Variants in APCS observed in about 807,000 individuals in gnomAD.
APCS encodes amyloid P component, serum.
In APCS, 2 loss-of-function variants were observed where a neutral mutation model predicts 2.5. That is an observed-to-expected ratio of 0.80 (90% CI 0.33 to 2.53). The LOEUF is 2.53. Among genes scored for constraint, APCS ranks in the 30% most tolerant of loss-of-function variants. The probability of loss-of-function intolerance (pLI) is 0.11; values close to 1 mark genes in which losing one functional copy is unlikely to be tolerated. For synonymous variants in APCS, 109 were observed against 102.5 expected, an observed-to-expected ratio of 1.06 and a Z score of -0.39; for missense variants, 302 against 258.9, an observed-to-expected ratio of 1.17 and a Z score of -1.14.
rs1483202613 is a variant in APCS, at chr1:159,588,327, CAA to C, written c.293_294del (p.Lys98SerfsTer27). On this transcript the variant is annotated frameshift_variant, in exon 2 of 2. Transcript: ENST00000255040. LOFTEE classifies it low-confidence loss of function (END_TRUNC). ...AGTATAGTCTATACATTGGAAGACA[CAA>C]AGTTACATCCAAAGTTATCGAAAAG... Reference protein sequence around the residue: ...GEYSLYIGRHKVTSKVIEKFP... With the variant: ...GEYSLYIGRHXVTSKVIEKFP... 1 of 1,613,986 alleles carries C rather than the reference CAA, an allele frequency of 6.2e-7. No individual in the cohort carries two copies. The highest frequency in any genetic ancestry group is 8.5e-7 in the Non-Finnish European group (1 of 1,180,032).
chr1:159,588,103 C>T lies in APCS; in HGVS notation c.67C>T (p.Leu23Phe), dbSNP rs1344884214. Residue 23 changes from leucine to phenylalanine, a missense_variant and splice_region_variant, in exon 2 of 2, where the codon CTC (leucine) becomes TTC (phenylalanine). Transcript: ENST00000255040. ...SLLEAFAHTD[L>F]SGKVFVFPRE... is the part of the protein sequence containing the mutation. ...ATCTTTCTTTCTTTATCCCGCAGAC[C>T]TCAGTGGGAAGGTGTTTGTATTTCC... The T allele has an allele frequency of 6.2e-7, 1 of 1,613,340 alleles. No homozygotes were observed. The highest frequency in any genetic ancestry group is 1.7e-5 in the Admixed American group (1 of 59,954).
chr1:159,588,831 T>A lies in APCS; in HGVS notation c.*123T>A. On this transcript the variant is annotated 3_prime_UTR_variant, in exon 2 of 2. Transcript: ENST00000255040. ...TCTTTGAATTTCCTATCTGTATGTC[T>A]GCCTAATTAAAAAAATATATATTGT... The A allele has an allele frequency of 8.8e-7, 1 of 1,136,996 alleles. No homozygotes were observed. The highest frequency in any genetic ancestry group is 2.4e-5 in the East Asian group (1 of 42,030). 70.4% of individuals were successfully genotyped at this position (1,136,996 alleles called of 1,614,324 possible). A position where few individuals can be genotyped will look rare whatever the true frequency, so the allele number is the denominator to read the frequency against.
Position 159,588,410 on chromosome 1 carries a change from A to C in APCS, c.374A>C (p.Glu125Ala). The C allele has an allele frequency of 6.2e-7, 1 of 1,614,078 alleles. No homozygotes were observed. Among genetic ancestry groups the C allele is most frequent in the South Asian group, 1.1e-5 (1 of 91,074 alleles). ...VSWESSSGIA[E>A]FWINGTPLVK... ...TGGGAGTCCTCATCAGGTATTGCTGAATTTTGGATCAATGGGACACCTTTG... is the reference window on the plus strand; with the variant it reads ...TGGGAGTCCTCATCAGGTATTGCTGCATTTTGGATCAATGGGACACCTTTG... Residue 125 changes from glutamate to alanine, a missense_variant, in exon 2 of 2, where the codon GAA (glutamate) becomes GCA (alanine). Coordinates refer to ENST00000255040, the MANE Select transcript of APCS (RefSeq NM_001639.4).
In APCS at chr1:159,587,942, G is replaced by A; in HGVS notation, c.21G>A (p.Trp7Ter). The A allele has an allele frequency of 1.2e-6, 2 of 1,614,100 alleles. No individual in the cohort carries two copies. Among genetic ancestry groups the A allele is most frequent in the Non-Finnish European group, 1.7e-6 (2 of 1,180,032 alleles). The change falls in exon 1 of 2, where the codon TGG becomes TGA. Residue 7 changes from tryptophan (W) to a stop codon, truncating the protein, a stop_gained. Transcript: ENST00000255040. LOFTEE classifies it low-confidence loss of function (END_TRUNC). ...GGAATATGAACAAGCCGCTGCTTTGGATCTCTGTCCTCACCAGCCTCCTGG... is the reference window on the plus strand; with the variant it reads ...GGAATATGAACAAGCCGCTGCTTTGAATCTCTGTCCTCACCAGCCTCCTGG... Reference protein sequence around the residue: MNKPLLWISVLTSLLEA... With the variant: MNKPLL
Position 159,588,404 on chromosome 1 carries a change from T to C in APCS, c.368T>C (p.Ile123Thr), listed in dbSNP as rs144056771. The C allele has an allele frequency of 6.2e-7, 1 of 1,614,078 alleles. No individual in the cohort carries two copies. The highest frequency in any genetic ancestry group is 8.5e-7 in the Non-Finnish European group (1 of 1,180,004). ...ICVSWESSSG[I>T]AEFWINGTPL... The stretch of plus-strand genomic sequence containing the variant: ...GTGAGCTGGGAGTCCTCATCAGGTA[T>C]TGCTGAATTTTGGATCAATGGGACA... Residue 123 changes from isoleucine (I) to threonine (T), a missense_variant, in exon 2 of 2, where the codon ATT becomes ACT. By Grantham distance (89) the Ile-to-Thr change is moderately conservative. Transcript: ENST00000255040.
chr1:159,588,055 C>T (rs202054475), intron 1 of APCS, 46 bp from the exon 2 acceptor site: 31 of 1,613,272 alleles, frequency 1.9e-5, no homozygotes, highest in Non-Finnish European at 2.5e-5. Context: ...TATCTTTTCC[C>T]TGCATTTATA....
rs763843176 is a variant in APCS, at chr1:159,588,702, G to C, written c.666G>C (p.Trp222Cys). 6.2e-7 allele frequency: 1 copy of C among 1,608,024 alleles called. No homozygotes were observed. The stretch of plus-strand genomic sequence containing the variant: ...ATGTCATCATCAAACCCTTGGTGTG[G>C]GTCTGAGGTCTTGACTCAACGAGAG... ...RGYVIIKPLV[W>C]V The change falls in exon 2 of 2, where the codon TGG (tryptophan) becomes TGC (cysteine). Residue 222 changes from tryptophan (W) to cysteine (C), a missense_variant. Coordinates refer to ENST00000255040, the MANE Select transcript of APCS (RefSeq NM_001639.4).
rs756046861 is a variant in APCS at position 159,588,161 on chromosome 1, T to A, written c.125T>A (p.Ile42Asn). 4 of 1,613,994 alleles carry A rather than the reference T, an allele frequency of 2.5e-6. No individual in the cohort carries two copies. The highest frequency in any genetic ancestry group is 3.4e-6 in the Non-Finnish European group (4 of 1,179,846). The change falls in exon 2 of 2, where the codon ATC (isoleucine) becomes AAC (asparagine). Residue 42 changes from isoleucine (I) to asparagine (N), a missense_variant. Physicochemically the swap from Ile to Asn is moderately radical, Grantham distance 149 (BLOSUM62 -3). Coordinates refer to ENST00000255040, the MANE Select transcript of APCS (RefSeq NM_001639.4). ...TCTGTTACTGATCATGTAAACTTGA[T>A]CACACCGCTGGAGAAGCCTCTACAG... Reference protein sequence around the residue: ...RESVTDHVNLITPLEKPLQNF... With the variant: ...RESVTDHVNLNTPLEKPLQNF...
chr1:159,588,609 C>T lies in APCS; in HGVS notation c.573C>T (p.Ala191=), dbSNP rs200258131. The T allele has an allele frequency of 9.9e-6, 16 of 1,613,774 alleles. No homozygotes were observed. Among genetic ancestry groups the T allele is most frequent in the Non-Finnish European group, 1.2e-5 (14 of 1,179,954 alleles). ...TGCCCCCAGAAAATATCCTGTCTGC[C>T]TATCAGGGTACCCCTCTCCCTGCCA... The part of the protein sequence containing the change: ...SVLPPENILS[A]YQGTPLPANI... The change falls in exon 2 of 2, where the codon GCC becomes GCT. Residue 191 remains alanine (A), a synonymous_variant. Coordinates refer to ENST00000255040, the MANE Select transcript of APCS (RefSeq NM_001639.4).
Position 159,587,840 on chromosome 1 carries a change from G to A in APCS, c.-82G>A. On this transcript the variant is annotated 5_prime_UTR_variant, in exon 1 of 2. Coordinates refer to ENST00000255040, the MANE Select transcript of APCS (RefSeq NM_001639.4). ...CTGAAGTCTAAGGGCATGAATATCA[G>A]ACGCTAGGGGGACAGCCACTGTGTT... 4 of 1,436,450 alleles carry A rather than the reference G, an allele frequency of 2.8e-6. No individual in the cohort carries two copies. The highest frequency in any genetic ancestry group is 3.9e-6 in the Non-Finnish European group (4 of 1,021,260). 89.0% of individuals were successfully genotyped at this position (1,436,450 alleles called of 1,614,324 possible).
chr1:159,588,644 A>T lies in APCS; in HGVS notation c.608A>T (p.Asp203Val). The change falls in exon 2 of 2, where the codon GAC (aspartate) becomes GTC (valine). Residue 203 changes from aspartate (D) to valine (V), a missense_variant. Asp to Val is a radical substitution (Grantham distance 152). Coordinates refer to ENST00000255040, the MANE Select transcript of APCS (RefSeq NM_001639.4). The part of the protein sequence containing the change: ...QGTPLPANIL[D>V]WQALNYEIRG... ...ACCCCTCTCCCTGCCAATATCCTGGACTGGCAGGCTCTGAACTATGAAATC... is the reference window on the plus strand; with the variant it reads ...ACCCCTCTCCCTGCCAATATCCTGGTCTGGCAGGCTCTGAACTATGAAATC... 1.9e-6 allele frequency: 3 copies of T among 1,613,746 alleles called. No individual in the cohort carries two copies. Among genetic ancestry groups the T allele is most frequent in the South Asian group, 1.1e-5 (1 of 91,054 alleles).
chr1:159,588,632 C>A lies in APCS; in HGVS notation c.596C>A (p.Ala199Asp), dbSNP rs1212133313. The A allele has an allele frequency of 6.2e-7, 1 of 1,613,762 alleles. No individual in the cohort carries two copies. The highest frequency in any genetic ancestry group is 1.7e-5 in the Admixed American group (1 of 59,924). ...LSAYQGTPLP[A>D]NILDWQALNY... ...GCCTATCAGGGTACCCCTCTCCCTG[C>A]CAATATCCTGGACTGGCAGGCTCTG... The change falls in exon 2 of 2, where the codon GCC (alanine) becomes GAC (aspartate). Residue 199 changes from alanine to aspartate, a missense_variant. By Grantham distance (126) the Ala-to-Asp change is moderately radical. Transcript: ENST00000255040.
In APCS at chr1:159,588,254, C is replaced by A; in HGVS notation, c.218C>A (p.Thr73Asn). ...GCCTACAGCCTCTTCTCCTACAATA[C>A]CCAAGGCAGGGATAATGAGCTACTA... ...SRAYSLFSYN[T>N]QGRDNELLVY... The change falls in exon 2 of 2, where the codon ACC (threonine) becomes AAC (asparagine). Residue 73 changes from threonine to asparagine, a missense_variant. Coordinates refer to ENST00000255040, the MANE Select transcript of APCS (RefSeq NM_001639.4). The A allele has an allele frequency of 1.2e-6, 2 of 1,613,884 alleles. No homozygotes were observed. Among genetic ancestry groups the A allele is most frequent in the Non-Finnish European group, 1.7e-6 (2 of 1,179,874 alleles).
chr1:159,588,663 T>C lies in APCS; in HGVS notation c.627T>C (p.Tyr209=), dbSNP rs1658818890. 3 of 1,613,800 alleles carry C rather than the reference T, an allele frequency of 1.9e-6. No homozygotes were observed. Among genetic ancestry groups the C allele is most frequent in the African/African-American group, 1.3e-5 (1 of 74,924 alleles). ...ANILDWQALN[Y]EIRGYVIIKP... ...TCCTGGACTGGCAGGCTCTGAACTATGAAATCAGAGGATATGTCATCATCA... is the reference window on the plus strand; with the variant it reads ...TCCTGGACTGGCAGGCTCTGAACTACGAAATCAGAGGATATGTCATCATCA... The change falls in exon 2 of 2, where the codon TAT becomes TAC. Residue 209 remains tyrosine (Y), a synonymous_variant. Coordinates refer to ENST00000255040, the MANE Select transcript of APCS (RefSeq NM_001639.4).
rs11545897 is a variant in APCS, at chr1:159,587,931, C to T, written c.10C>T (p.Pro4Ser). The T allele has an allele frequency of 4.7e-3, 7,631 of 1,613,962 alleles. 30 individuals are homozygous for T. Among genetic ancestry groups the T allele is most frequent in the Non-Finnish European group, 5.1e-3 (6,016 of 1,180,006 alleles). The change falls in exon 1 of 2, where the codon CCG becomes TCG. Residue 4 changes from proline to serine, a missense_variant. Pro to Ser is a moderately conservative substitution (Grantham distance 74). Transcript: ENST00000255040. Reference protein sequence around the residue: MNKPLLWISVLTSL... With the variant: MNKSLLWISVLTSL... ...GCCCTAGGCCAGGAATATGAACAAG[C>T]CGCTGCTTTGGATCTCTGTCCTCAC...
In APCS at chr1:159,588,534, C is replaced by A; in HGVS notation, c.498C>A (p.Ser166Arg). 1 of 1,613,950 alleles carries A rather than the reference C, an allele frequency of 6.2e-7. No homozygotes were observed. The highest frequency in any genetic ancestry group is 8.5e-7 in the Non-Finnish European group (1 of 1,179,998). The change falls in exon 2 of 2, where the codon AGC becomes AGA. Residue 166 changes from serine (S) to arginine (R), a missense_variant. Physicochemically the swap from Ser to Arg is moderately radical, Grantham distance 110. Coordinates refer to ENST00000255040, the MANE Select transcript of APCS (RefSeq NM_001639.4). Reference sequence around the variant, plus strand: ...CCTATGGGGGCAAGTTTGATAGGAGCCAGTCCTTTGTGGGAGAGATTGGGG... The same window carrying A: ...CCTATGGGGGCAAGTTTGATAGGAGACAGTCCTTTGTGGGAGAGATTGGGG... ...QDSYGGKFDR[S>R]QSFVGEIGDL...
chr1:159,588,756 G>C lies in APCS; in HGVS notation c.*48G>C, dbSNP rs1411145317. On this transcript the variant is annotated 3_prime_UTR_variant, in exon 2 of 2. Coordinates refer to ENST00000255040, the MANE Select transcript of APCS (RefSeq NM_001639.4). The stretch of plus-strand genomic sequence containing the variant: ...TTGAAAATGAAATGACTGTCTAAGA[G>C]ATCTGGTCAAAGCAACTGGATACTA... 6.4e-7 allele frequency: 1 copy of C among 1,550,928 alleles called. No individual in the cohort carries two copies. The highest frequency in any genetic ancestry group is 1.8e-5 in the Admixed American group (1 of 54,058).
Position 159,588,346 on chromosome 1 carries a change from A to G in APCS, c.310A>G (p.Ile104Val), listed in dbSNP as rs763976284. Residue 104 changes from isoleucine to valine, a missense_variant, in exon 2 of 2, where the codon ATC (isoleucine) becomes GTC (valine). Transcript: ENST00000255040. ...AAGACACAAAGTTACATCCAAAGTT[A>G]TCGAAAAGTTCCCGGCTCCAGTGCA... is the stretch of plus-strand genomic sequence containing the variant. ...IGRHKVTSKV[I>V]EKFPAPVHIC... 49 of 1,614,194 alleles carry G rather than the reference A, an allele frequency of 3.0e-5. 1 individual carries two copies. In the East Asian group the frequency reaches 9.1e-4, roughly 30 times the overall value.
Position 159,587,885 on chromosome 1 carries a change from G to C in APCS, c.-37G>C, listed in dbSNP as rs771831189. The C allele has an allele frequency of 2.4e-5, 38 of 1,601,574 alleles. No homozygotes were observed. Among genetic ancestry groups the C allele is most frequent in the Non-Finnish European group, 3.0e-5 (35 of 1,169,948 alleles). ...TGTGTTGTCTGCTACCCTCATCCTG[G>C]TCACTGCTTCTGCTATAACAGCCCT... On this transcript the variant is annotated 5_prime_UTR_variant, in exon 1 of 2. Transcript: ENST00000255040.
Sources: allele counts gnomAD v4.1 joint callset, GRCh38; gene constraint gnomAD v4.1.1; transcripts MANE v1.5; gene names NCBI Gene and HGNC (gene_info 2026-07-23, HGNC 2026-07-21).